Variants in NR3C2 observed in about 807,000 individuals in gnomAD.
NR3C2 encodes the protein nuclear receptor subfamily 3 group C member 2.
In NR3C2, 15 loss-of-function variants were observed where a neutral mutation model predicts 86.4. The observed-to-expected ratio is 0.17, with a 90% CI of 0.12 to 0.27. The LOEUF is 0.27. Ranked by LOEUF, NR3C2 falls within the 10% of genes least tolerant of loss-of-function variation. The pLI, the probability that NR3C2 is intolerant of heterozygous loss-of-function variation, is 1.00. For synonymous variants in NR3C2, 458 were observed against 450.5 expected, an observed-to-expected ratio of 1.02 and a Z score of -0.21; for missense variants, 960 against 1,195.6, an observed-to-expected ratio of 0.80 and a Z score of 2.91.
At chr4:148,192,909 A>G (rs936364217) in intron 4 of NR3C2, among the ~76,000 whole-genome samples, 4 of 151,950 alleles carry the variant, frequency 2.6e-5, no homozygotes, top group African/African-American at 9.7e-5. Context: ...TCTGCCTCCC[A>G]GCAGCCACAG....
chr4:148,407,916 A>C (rs1462546759), intron 2 of NR3C2, among the ~76,000 whole-genome samples: 1 of 152,180 alleles, frequency 6.6e-6, no homozygotes, highest in African/African-American at 2.4e-5. Context: ...AACGTAAAGA[A>C]AGTCCCGATA....
intron 2 of NR3C2, among the ~76,000 whole-genome samples, chr4:148,412,839 A>ACC (rs1247934371): frequency 2.0e-4 from 25 of 125,046 alleles, no homozygotes; most frequent in South Asian, 6.3e-4. Context: ...ACACACACAC[A>ACC]CACCCCTTAG....
intron 2 of NR3C2, among the ~76,000 whole-genome samples, chr4:148,431,473 C>T (rs770001233): frequency 3.3e-5 from 5 of 152,090 alleles, no homozygotes; most frequent in Admixed American, 6.6e-5. Flanking sequence ...AGGCTCAGAG[C>T]GGTTTTGTTG....
chr4:148,426,250 C>T lies in NR3C2; in HGVS notation c.1757+8854G>A, dbSNP rs1304319546. 3.3e-5 allele frequency among the ~76,000 whole-genome samples: 5 copies of T among 152,226 alleles called. No individual in the cohort carries two copies. In the East Asian group the frequency reaches 9.6e-4, roughly 29 times the overall value. On this transcript the variant is annotated intron_variant, in intron 2 of 8. Coordinates refer to ENST00000358102, the MANE Select transcript of NR3C2 (RefSeq NM_000901.5). ...TGTTCATTTACTCCTTAGCCAATCA[C>T]AATCCAATCCAATCCCTTCTTGAAA...
rs200085890 is a variant in NR3C2, at chr4:148,154,762, C to T, written c.2154G>A (p.Ser718=). 15 of 1,432,806 alleles carry T rather than the reference C, an allele frequency of 1.0e-5. No homozygotes were observed. Among genetic ancestry groups the T allele is most frequent in the East Asian group, 3.3e-5 (1 of 30,174 alleles). The allele number at this position is 1,432,806 out of a possible 1,614,324, so 88.8% of individuals were successfully genotyped here. ...TTYIAPAKEP[S]VNTALVPQLS... ...GCTGAGGAACCAGTGCTGTGTTGAC[C>T]GAGGGTTCTTTTGCAGGAGCGATGT... Residue 718 remains serine (S), a synonymous_variant, in exon 5 of 9, where the codon TCG becomes TCA. Coordinates refer to ENST00000358102, the MANE Select transcript of NR3C2 (RefSeq NM_000901.5).
chr4:148,350,167 T>G (rs1745201989), intron 2 of NR3C2, among the ~76,000 whole-genome samples: 1 of 152,176 alleles, frequency 6.6e-6, no homozygotes, highest in Non-Finnish European at 1.5e-5. Context: ...ATGAGAATAT[T>G]GAGGTTGAGA....
At chr4:148,247,282 T>G (rs1471762965) in intron 3 of NR3C2, among the ~76,000 whole-genome samples, 2 of 152,180 alleles carry the variant, frequency 1.3e-5, no homozygotes, top group African/African-American at 4.8e-5. Context: ...GAGGTTAATT[T>G]TTCCTACTAA....
intron 2 of NR3C2, among the ~76,000 whole-genome samples, chr4:148,344,087 T>C (rs1016953297): frequency 6.6e-6 from 1 of 152,184 alleles, no homozygotes; most frequent in Non-Finnish European, 1.5e-5. Flanking sequence ...ATGTAAAGAA[T>C]GGTTCCAAAG....
chr4:148,198,449 AG>A (rs1275111781), intron 3 of NR3C2, among the ~76,000 whole-genome samples: 1 of 152,188 alleles, frequency 6.6e-6, no homozygotes, highest in Non-Finnish European at 1.5e-5. Flanking sequence ...ACAGAAAAGT[AG>A]AAAAACGAAG....
chr4:148,325,155 A>AGT (rs57080333), intron 2 of NR3C2, among the ~76,000 whole-genome samples: 2 of 151,336 alleles, frequency 1.3e-5, no homozygotes, highest in Non-Finnish European at 3.0e-5. Context: ...AGAGAGACAG[A>AGT]GTGTGTGTGT....
rs528505295 is a variant in NR3C2, at chr4:148,282,546, T to C, written c.1758-22429A>G. Among the ~76,000 whole-genome samples, 164 of 152,236 alleles carry C rather than the reference T, an allele frequency of 1.1e-3. 1 individual carries two copies. Among genetic ancestry groups the C allele is most frequent in the Admixed American group, 3.3e-3 (51 of 15,290 alleles). On this transcript the variant is annotated intron_variant, in intron 2 of 8. Coordinates refer to ENST00000358102, the MANE Select transcript of NR3C2 (RefSeq NM_000901.5). Reference sequence around the variant, plus strand: ...AGTCAGTCTATTCCTGCAACAAACATTCATTGAACAAGTTGTGTTAGCAGA... The same window carrying C: ...AGTCAGTCTATTCCTGCAACAAACACTCATTGAACAAGTTGTGTTAGCAGA...
intron 3 of NR3C2, among the ~76,000 whole-genome samples, chr4:148,203,431 G>A (rs1395076467): frequency 6.7e-6 from 1 of 149,664 alleles, no homozygotes; most frequent in Non-Finnish European, 1.5e-5. Context: ...TCCATTTGTT[G>A]TCCTGCTGCA....
At chr4:148,216,035 G>A (rs144341599) in intron 3 of NR3C2, among the ~76,000 whole-genome samples, 2 of 152,034 alleles carry the variant, frequency 1.3e-5, no homozygotes, top group East Asian at 1.9e-4. Context: ...TGATTCAACC[G>A]CCTTGGCCTC....
chr4:148,401,464 T>C (rs1188287664), intron 2 of NR3C2, among the ~76,000 whole-genome samples: 2 of 146,238 alleles, frequency 1.4e-5, no homozygotes, highest in Non-Finnish European at 3.0e-5. Flanking sequence ...GTTGTCTCTT[T>C]TTTTTTTTTT....
intron 3 of NR3C2, among the ~76,000 whole-genome samples, chr4:148,239,629 C>T (rs1738918443): frequency 6.6e-6 from 1 of 152,192 alleles, no homozygotes; most frequent in Non-Finnish European, 1.5e-5. Context: ...TGGAAGCCAC[C>T]AGGCCACCAG....
At chr4:148,326,032 A>G (rs895603035) in intron 2 of NR3C2, among the ~76,000 whole-genome samples, 3 of 152,168 alleles carry the variant, frequency 2.0e-5, no homozygotes, top group Non-Finnish European at 4.4e-5. Context: ...CAATTTTAAC[A>G]TGAAATTCAA....
intron 2 of NR3C2, among the ~76,000 whole-genome samples, chr4:148,299,380 G>T (rs904504549): frequency 9.2e-5 from 14 of 152,210 alleles, no homozygotes; most frequent in African/African-American, 2.6e-4. Flanking sequence ...TCGCTCTGGG[G>T]GGTTAGAAAT....
At chr4:148,293,776 G>A (rs933845836) in intron 2 of NR3C2, among the ~76,000 whole-genome samples, 1 of 152,136 alleles carries the variant, frequency 6.6e-6, no homozygotes. Flanking sequence ...GGTCAGTTTG[G>A]TAAGCAACAT....
chr4:148,267,020 C>T lies in NR3C2; in HGVS notation c.1758-6903G>A, dbSNP rs200262091. Among the ~76,000 whole-genome samples the T allele has an allele frequency of 9.9e-5, 15 of 152,248 alleles. No individual in the cohort carries two copies. In the East Asian group the frequency reaches 2.7e-3, roughly 27 times the overall value. On this transcript the variant is annotated intron_variant, in intron 2 of 8. Transcript: ENST00000358102. ...TTGCAGAACAGTATATAGAGGATGA[C>T]ATGTTCCTATTTTTGTAGATAACAG... is the stretch of plus-strand genomic sequence containing the variant.
Sources: allele counts gnomAD v4.1 joint callset (sites outside exome capture counted in the v4.1 genomes callset), GRCh38; gene constraint gnomAD v4.1.1; transcripts MANE v1.5; gene names NCBI Gene and HGNC (gene_info 2026-07-23, HGNC 2026-07-21).